The following SLC35F2 variants were observed in gnomAD, a reference collection of about 807,000 sequenced individuals.
The protein encoded by SLC35F2 is solute carrier family 35 member F2.
In SLC35F2, 25 loss-of-function variants were observed where a neutral mutation model predicts 38.1. That is an observed-to-expected ratio of 0.66 (90% CI 0.48 to 0.92). The LOEUF is 0.92. Ranked by LOEUF, SLC35F2 falls within the 40% of genes least tolerant of loss-of-function variation. The pLI is 0.00. For synonymous variants in SLC35F2, 173 were observed against 181.7 expected, an observed-to-expected ratio of 0.95 and a Z score of 0.38; for missense variants, 409 against 452.9, an observed-to-expected ratio of 0.90 and a Z score of 0.88.
chr11:107,832,407 T>C (rs891370040), intron 1 of SLC35F2, among the ~76,000 whole-genome samples: 2 of 152,224 alleles, frequency 1.3e-5, no homozygotes, highest in Non-Finnish European at 2.9e-5. Flanking sequence ...TCAAATTGCC[T>C]GATTGACTAA....
chr11:107,843,650 T>C, intron 1 of SLC35F2, among the ~76,000 whole-genome samples: 1 of 151,182 alleles, frequency 6.6e-6, no homozygotes, highest in Non-Finnish European at 1.5e-5. Flanking sequence ...GAGCCAGGTG[T>C]TCAAGATCAG....
chr11:107,814,507 G>A (rs1455310713), intron 2 of SLC35F2, among the ~76,000 whole-genome samples: 1 of 152,006 alleles, frequency 6.6e-6, no homozygotes, highest in East Asian at 1.9e-4. Context: ...TTTGTGGGGA[G>A]GGAGGGAGGA....
intron 7 of SLC35F2, among the ~76,000 whole-genome samples, chr11:107,795,986 T>C (rs937786649): frequency 2.0e-5 from 3 of 151,946 alleles, no homozygotes; most frequent in African/African-American, 7.3e-5. Context: ...ATACAAAAAC[T>C]AGCTGGGTGT....
chr11:107,849,145 T>C (rs990743825), intron 1 of SLC35F2, among the ~76,000 whole-genome samples: 11 of 152,066 alleles, frequency 7.2e-5, no homozygotes, highest in African/African-American at 2.7e-4. Context: ...GTCATGAGGA[T>C]TGATGAAATA....
intron 1 of SLC35F2, among the ~76,000 whole-genome samples, chr11:107,852,058 G>A (rs1286264820): frequency 6.6e-6 from 1 of 152,122 alleles, no homozygotes; most frequent in Non-Finnish European, 1.5e-5. Flanking sequence ...CCTGTGGAAG[G>A]CGGAAACCAA....
At chr11:107,805,104 C>T (rs1053151929) in intron 5 of SLC35F2, 2 of 985,272 alleles carry the variant, frequency 2.0e-6, no homozygotes, top group African/African-American at 3.5e-5. Context: ...TGGCAAATGC[C>T]TCTACCACAT....
intron 1 of SLC35F2, among the ~76,000 whole-genome samples, chr11:107,841,570 A>C (rs1860013248): frequency 6.6e-6 from 1 of 151,756 alleles, no homozygotes; most frequent in Admixed American, 6.6e-5. Context: ...AAAAAAAAAA[A>C]AAAAAAAAGT....
intron 1 of SLC35F2, among the ~76,000 whole-genome samples, chr11:107,843,905 A>G (rs1262186785): frequency 3.0e-4 from 37 of 123,702 alleles, no homozygotes; most frequent in Non-Finnish European, 3.5e-4. Flanking sequence ...ATATATATAT[A>G]TATGTATATT....
At chr11:107,814,820 G>A (rs1859541101) in intron 2 of SLC35F2, among the ~76,000 whole-genome samples, 1 of 152,166 alleles carries the variant, frequency 6.6e-6, no homozygotes, top group South Asian at 2.1e-4. Flanking sequence ...AAAATTATCT[G>A]GGCACAGTGG....
At position 107,792,609 on chromosome 11, in the gene SLC35F2, C is replaced by G. The variant is rs541813367; in HGVS notation, c.*6G>C. The G allele has an allele frequency of 6.2e-7, 1 of 1,602,678 alleles. No individual in the cohort carries two copies. The highest frequency in any genetic ancestry group is 1.7e-5 in the Admixed American group (1 of 58,674). On this transcript the variant is annotated 3_prime_UTR_variant, in exon 8 of 8. Transcript: ENST00000525815. ...TGGTGGGGGATGGGTGCGCCATCTT[C>G]TCCAGCTACAAGACAGCAGAGTGGG... is the stretch of plus-strand genomic sequence containing the variant.
In SLC35F2 at chr11:107,803,065, T is replaced by C. The variant is rs769728565; in HGVS notation, c.875A>G (p.Asn292Ser). The stretch of plus-strand genomic sequence containing the variant: ...GAGGTCCGCTGTCAGGATGCCCAGG[T>C]TGACGGAAGTGGCACTAGTGACTTT... ...VIKVTSATSVNLGILTADLYS... is the reference protein window; with the variant it reads ...VIKVTSATSVSLGILTADLYS... Residue 292 changes from asparagine to serine, a missense_variant, in exon 7 of 8, where the codon AAC becomes AGC. Physicochemically the swap from Asn to Ser is conservative, Grantham distance 46. Transcript: ENST00000525815. 1 of 1,614,034 alleles carries C rather than the reference T, an allele frequency of 6.2e-7. No individual in the cohort carries two copies. The highest frequency in any genetic ancestry group is 1.1e-5 in the South Asian group (1 of 91,074).
At chr11:107,798,271 T>G (rs533171530) in intron 7 of SLC35F2, among the ~76,000 whole-genome samples, 9 of 152,216 alleles carry the variant, frequency 5.9e-5, no homozygotes, top group Non-Finnish European at 8.8e-5. Context: ...CCCAAAGTGC[T>G]GGGATTACAG....
intron 1 of SLC35F2, among the ~76,000 whole-genome samples, chr11:107,856,076 G>A (rs1397236279): frequency 7.1e-6 from 1 of 141,808 alleles, no homozygotes; most frequent in East Asian, 2.0e-4. Flanking sequence ...CTGCACTCCA[G>A]CCTGGGCAAC....
intron 1 of SLC35F2, among the ~76,000 whole-genome samples, chr11:107,831,571 C>T (rs183018595): frequency 6.6e-6 from 1 of 151,986 alleles, no homozygotes; most frequent in Non-Finnish European, 1.5e-5. Context: ...AAATTATCTT[C>T]GTGAAGTGGG....
intron 1 of SLC35F2, chr11:107,858,384 T>G: frequency 3.9e-6 from 1 of 258,144 alleles, no homozygotes; most frequent in Non-Finnish European, 6.8e-6. Flanking sequence ...ACCGACCTAA[T>G]AGTGCCACAG....
At chr11:107,846,443 T>G (rs1168428800) in intron 1 of SLC35F2, among the ~76,000 whole-genome samples, 1 of 152,126 alleles carries the variant, frequency 6.6e-6, no homozygotes, top group Non-Finnish European at 1.5e-5. Flanking sequence ...TTAAGTAATT[T>G]TTTTTTTCTT....
chr11:107,828,404 A>G (rs1859787651), intron 1 of SLC35F2, among the ~76,000 whole-genome samples: 1 of 150,734 alleles, frequency 6.6e-6, no homozygotes, highest in South Asian at 2.1e-4. Flanking sequence ...ACTGCACTCC[A>G]GCCTACCTTA....
chr11:107,822,712 G>T (rs1425625093), intron 1 of SLC35F2, among the ~76,000 whole-genome samples: 1 of 152,128 alleles, frequency 6.6e-6, no homozygotes, highest in Non-Finnish European at 1.5e-5. Context: ...GAAGTTTTCT[G>T]TGTGAGGAGT....
chr11:107,807,008 G>A lies in SLC35F2; in HGVS notation c.415-132C>T, dbSNP rs1859403371. On this transcript the variant is annotated intron_variant, in intron 3 of 7. Transcript: ENST00000525815. ...TTGAGCATTTATTATTGCCAGCCCT[G>A]TACTAAGAGCTTTACCTGGATTCAC... is the stretch of plus-strand genomic sequence containing the variant. 1.3e-5 allele frequency: 10 copies of A among 742,562 alleles called. No individual in the cohort carries two copies. In the East Asian group the frequency reaches 2.2e-4, roughly 16 times the overall value. The allele number at this position is 742,562 out of a possible 1,614,324, so 46.0% of individuals were successfully genotyped here.
Sources: gnomAD v4.1 joint callset for allele counts (sites outside exome capture counted in the v4.1 genomes callset) on GRCh38, gnomAD v4.1.1 for gene constraint, MANE v1.5 for transcripts, NCBI Gene and HGNC (gene_info 2026-07-23, HGNC 2026-07-21) for gene names.